The following SLC25A26 variants were observed in gnomAD, a reference collection of about 807,000 sequenced individuals.
SLC25A26 encodes solute carrier family 25 member 26, also known as mitochondrial S-adenosylmethionine carrier protein.
In SLC25A26, 36 loss-of-function variants were observed where a neutral mutation model predicts 37.8. The ratio of observed to expected loss-of-function variants is 0.95; its 90% CI spans 0.73 to 1.26. The LOEUF (loss-of-function observed/expected upper bound fraction) is 1.26. SLC25A26 is among the 50% of genes most tolerant of loss of function. The pLI is 0.00. For missense variants in SLC25A26, 390 were observed against 331.1 expected (o/e 1.18, Z -1.38); for synonymous variants, 129 against 122.5 (o/e 1.05, Z -0.35).
chr3:66,361,977 AAAAAG>A (rs2076717963), intron 6 of SLC25A26, among the ~76,000 whole-genome samples: 1 of 152,160 alleles, frequency 6.6e-6, no homozygotes. Context: ...TGTCTCAAAA[AAAAAG>A]AAGAAAGAAA....
intron 3 of SLC25A26, among the ~76,000 whole-genome samples, chr3:66,246,215 C>G (rs967931516): frequency 2.6e-5 from 4 of 152,112 alleles, no homozygotes; most frequent in African/African-American, 4.8e-5. Flanking sequence ...TGCAGTTAGT[C>G]TGGAGTATGT....
chr3:66,273,854 C>G (rs1408876511), intron 5 of SLC25A26, among the ~76,000 whole-genome samples: 1 of 152,096 alleles, frequency 6.6e-6, no homozygotes, highest in East Asian at 1.9e-4. Flanking sequence ...AATGCCATCC[C>G]CATCAAGCTA....
rs75316613 is a variant in SLC25A26, at chr3:66,327,935, A to G, written c.454-18429A>G. ...AAGATACAAAAAATAATGCGCTGAA[A>G]GGAGTGGCGGAATTGGAAAATTTGT... On this transcript the variant is annotated intron_variant, in intron 5 of 9. Transcript: ENST00000354883. Among the ~76,000 whole-genome samples the G allele has an allele frequency of 2.5e-3, 381 of 152,120 alleles. 19 individuals are homozygous for G. In the East Asian group the frequency reaches 0.062, roughly 25 times the overall value.
chr3:66,346,334 A>G (rs1381990462), intron 5 of SLC25A26, 30 bp from the exon 6 acceptor site: 63 of 1,358,712 alleles, frequency 4.6e-5, no homozygotes, highest in Non-Finnish European at 6.2e-5. Context: ...TTTTTGCCTA[A>G]TTTATTTAAT....
At chr3:66,312,027 G>A (rs115281843) in intron 5 of SLC25A26, among the ~76,000 whole-genome samples, 1,952 of 152,288 alleles carry the variant, frequency 0.013, 44 homozygotes, top group African/African-American at 0.043. Flanking sequence ...GCTGTGCTGC[G>A]AGATCCACTC....
At chr3:66,335,340 T>C (rs1384807240) in intron 5 of SLC25A26, among the ~76,000 whole-genome samples, 1 of 152,204 alleles carries the variant, frequency 6.6e-6, no homozygotes, top group Non-Finnish European at 1.5e-5. Flanking sequence ...TCCTGGGATG[T>C]GTATCTGTGC....
Position 66,230,820 on chromosome 3 carries a change from C to CA in SLC25A26, c.34-5715dup, listed in dbSNP as rs1418414745. 2.1e-5 allele frequency among the ~76,000 whole-genome samples: 2 copies of CA among 94,582 alleles called. 1 individual carries two copies. The highest frequency in any genetic ancestry group is 3.5e-5 in the Non-Finnish European group (2 of 56,720). The allele number at this position is 94,582 out of a possible 152,430, so 62.0% of individuals were successfully genotyped here. The stretch of plus-strand genomic sequence containing the variant: ...AACTCTGTCTCAAAAAAAAAAAAAA[C>CA]AAAAAAAAACCAGAATTTTAGACTG... On this transcript the variant is annotated intron_variant, in intron 1 of 9. Transcript: ENST00000354883.
chr3:66,208,750 A>G (rs1164698866), intron 1 of SLC25A26, among the ~76,000 whole-genome samples: 1 of 144,126 alleles, frequency 6.9e-6, no homozygotes, highest in African/African-American at 2.5e-5. Context: ...ATGGGTGTAT[A>G]TATATATTTA....
intron 9 of SLC25A26, among the ~76,000 whole-genome samples, 181 bp downstream of exon 9, chr3:66,370,783 G>A (rs1348285203): frequency 1.3e-5 from 2 of 152,140 alleles, no homozygotes; most frequent in African/African-American, 2.4e-5. Context: ...TCAAATTGAC[G>A]GATTATTCCA....
At chr3:66,282,593 G>A (rs2074383240) in intron 5 of SLC25A26, among the ~76,000 whole-genome samples, 1 of 152,054 alleles carries the variant, frequency 6.6e-6, no homozygotes, top group Admixed American at 6.6e-5. Flanking sequence ...AACTATAGGT[G>A]TATCATTGCA....
chr3:66,376,520 C>T (rs892731358), intron 9 of SLC25A26, among the ~76,000 whole-genome samples: 3 of 152,236 alleles, frequency 2.0e-5, no homozygotes, highest in East Asian at 1.9e-4. Context: ...ACTGCAGGCT[C>T]AGATGCTCAT....
intron 5 of SLC25A26, among the ~76,000 whole-genome samples, chr3:66,278,873 C>G (rs1015804953): frequency 6.6e-6 from 1 of 152,128 alleles, no homozygotes; most frequent in Admixed American, 6.6e-5. Context: ...GTCTTTTACC[C>G]TCAGTCACTT....
At chr3:66,224,042 T>C (rs2071624330) in intron 1 of SLC25A26, among the ~76,000 whole-genome samples, 1 of 152,162 alleles carries the variant, frequency 6.6e-6, no homozygotes, top group African/African-American at 2.4e-5. Flanking sequence ...AAATAGTGCT[T>C]GTGAAGAGAA....
chr3:66,160,804 A>G (rs146480039), intron 1 of SLC25A26, among the ~76,000 whole-genome samples: 4,359 of 152,156 alleles, frequency 0.029, 165 homozygotes, highest in African/African-American at 0.093. Flanking sequence ...ATGTGGTGGT[A>G]CACACCTGTA....
intron 1 of SLC25A26, among the ~76,000 whole-genome samples, chr3:66,175,140 T>TATATATATATATATATACAC (rs1413714739): frequency 4.5e-5 from 3 of 67,038 alleles, no homozygotes; most frequent in African/African-American, 1.9e-4. Flanking sequence ...TATATATATA[T>TATATATATATATATATACAC]ACACACACAC....
rs528592411 is a variant in SLC25A26, at chr3:66,346,352, T to C, written c.454-12T>C. 365 of 1,464,658 alleles carry C rather than the reference T, an allele frequency of 2.5e-4. 10 individuals are homozygous for C. In the South Asian group the frequency reaches 4.7e-3, roughly 19 times the overall value. The allele number at this position is 1,464,658 out of a possible 1,614,324, so 90.7% of individuals were successfully genotyped here. A position where few individuals can be genotyped will look rare whatever the true frequency, so the allele number is the denominator to read the frequency against. ...TTGCCTAATTTATTTAATTTTTTTT[T>C]TCTCTCTTCAGATTCCTTTTTCTTT... is the stretch of plus-strand genomic sequence containing the variant. On this transcript the variant is annotated splice_polypyrimidine_tract_variant and intron_variant, in intron 5 of 9. Coordinates refer to ENST00000354883, the MANE Select transcript of SLC25A26 (RefSeq NM_001379210.1).
intron 1 of SLC25A26, among the ~76,000 whole-genome samples, chr3:66,180,184 T>C (rs1330265966): frequency 6.6e-6 from 1 of 152,142 alleles, no homozygotes; most frequent in Admixed American, 6.5e-5. Context: ...CTGGGAGGCG[T>C]AGTTATGAGC....
At chr3:66,189,910 T>A (rs1333059440) in intron 1 of SLC25A26, among the ~76,000 whole-genome samples, 1 of 152,092 alleles carries the variant, frequency 6.6e-6, no homozygotes, top group Non-Finnish European at 1.5e-5. Context: ...AGTGATCCTC[T>A]CACCTCAGCT....
intron 2 of SLC25A26, 81 bp from the exon 3 acceptor site, chr3:66,243,122 A>C (rs1576695128): frequency 2.9e-6 from 2 of 689,690 alleles, no homozygotes; most frequent in Admixed American, 4.6e-5. Context: ...AATTATTGTC[A>C]TACTTTTTGA....
Sources: allele counts gnomAD v4.1 joint callset (sites outside exome capture counted in the v4.1 genomes callset), GRCh38; gene constraint gnomAD v4.1.1; transcripts MANE v1.5; gene names NCBI Gene and HGNC (gene_info 2026-07-23, HGNC 2026-07-21).